The following CERS6 variants were observed in gnomAD, a reference collection of about 807,000 sequenced individuals.
CERS6 encodes the protein ceramide synthase 6.
Under a neutral mutation model 56.8 loss-of-function variants are expected in CERS6, and 26 were observed. The observed-to-expected ratio is 0.46, with a 90% CI of 0.34 to 0.63. The LOEUF is 0.63. Among genes scored for constraint, CERS6 ranks in the 30% least tolerant of loss-of-function variants. The pLI is 0.01. For missense variants in CERS6, 415 were observed against 467.5 expected (o/e 0.89, Z 1.04); for synonymous variants, 164 against 173.3 (o/e 0.95, Z 0.42).
At chr2:168,768,018 A>T (rs1684764969) in intron 9 of CERS6, among the ~76,000 whole-genome samples, 1 of 152,236 alleles carries the variant, frequency 6.6e-6, no homozygotes, top group Non-Finnish European at 1.5e-5. Flanking sequence ...CTTACAGAAT[A>T]GGAGGTTCAA....
intron 4 of CERS6, among the ~76,000 whole-genome samples, chr2:168,686,276 C>T (rs1686349799): frequency 1.3e-5 from 2 of 151,218 alleles, no homozygotes; most frequent in Non-Finnish European, 2.9e-5. Flanking sequence ...CTTCCTCTTC[C>T]TCTCCTTGTA....
In CERS6 at chr2:168,752,279, A is replaced by ATGTGTGTGTGTGTG. The variant is rs397870530; in HGVS notation, c.846-13287_846-13274dup. On this transcript the variant is annotated intron_variant, in intron 8 of 9. Transcript: ENST00000305747. ...CAGACCCCATCTTTTAAAAAAATAAATGTGTGTGTGTGTGTGTGTGTGTGT... is the reference window on the plus strand; with the variant it reads ...CAGACCCCATCTTTTAAAAAAATAAATGTGTGTGTGTGTGTGTGTGTGTGTGTGTGTGTGTGTGT... Among the ~76,000 whole-genome samples, 259 of 132,608 alleles carry ATGTGTGTGTGTGTG rather than the reference A, an allele frequency of 2.0e-3. 2 individuals carry two copies. Among genetic ancestry groups the ATGTGTGTGTGTGTG allele is most frequent in the East Asian group, 3.9e-3 (17 of 4,410 alleles). 87.0% of individuals were successfully genotyped at this position (132,608 alleles called of 152,430 possible). A position where few individuals can be genotyped will look rare whatever the true frequency, so the allele number is the denominator to read the frequency against.
chr2:168,706,023 C>T (rs908426658), intron 6 of CERS6, among the ~76,000 whole-genome samples: 18 of 152,322 alleles, frequency 1.2e-4, no homozygotes, highest in African/African-American at 4.3e-4. Context: ...AGACTTTCAT[C>T]TCCAGGCACT....
Position 168,733,710 on chromosome 2 carries a change from C to A in CERS6, c.845+15732C>A, listed in dbSNP as rs556818474. 1.1e-4 allele frequency among the ~76,000 whole-genome samples: 17 copies of A among 152,242 alleles called. No individual in the cohort carries two copies. The South Asian group carries it at 3.3e-3, about 30-fold the overall frequency. ...TAGGTTTCTAGGGAGTTTTTCCAGT[C>A]ATAACAAAAGCCTCTGACAATTCTG... On this transcript the variant is annotated intron_variant, in intron 8 of 9. Transcript: ENST00000305747.
intron 3 of CERS6, among the ~76,000 whole-genome samples, chr2:168,620,011 C>CCACACACACACA (rs1491366442): frequency 1.1e-3 from 40 of 37,256 alleles, no homozygotes; most frequent in Admixed American, 3.9e-3. Flanking sequence ...GTTCCACAAT[C>CCACACACACACA]CATACACACA....
intron 1 of CERS6, among the ~76,000 whole-genome samples, chr2:168,487,682 G>A (rs769922922): frequency 6.6e-6 from 1 of 151,996 alleles, no homozygotes; most frequent in African/African-American, 2.4e-5. Flanking sequence ...GTTTTCCTTA[G>A]TATTCTCTAA....
In CERS6 at chr2:168,456,718, C is replaced by A. The variant is rs1573994343; in HGVS notation, c.170+100C>A. On this transcript the variant is annotated intron_variant, in intron 1 of 9. Coordinates refer to ENST00000305747, the MANE Select transcript of CERS6 (RefSeq NM_203463.3). This position sits in a 1 kb window ranked among gnomAD's most constrained non-coding sequence, Gnocchi z 4.1. ...CGCACGCCCCCGCGCCCCCAACGCT[C>A]GCGTTCACGCCTCCCAACCTTTGTG... is the stretch of plus-strand genomic sequence containing the variant. 7 of 1,149,158 alleles carry A rather than the reference C, an allele frequency of 6.1e-6. No individual in the cohort carries two copies. In the South Asian group the frequency reaches 1.0e-4, roughly 16 times the overall value. The allele number at this position is 1,149,158 out of a possible 1,614,324, so 71.2% of individuals were successfully genotyped here. A position where few individuals can be genotyped will look rare whatever the true frequency, so the allele number is the denominator to read the frequency against.
At chr2:168,739,787 C>A (rs1172978269) in intron 8 of CERS6, among the ~76,000 whole-genome samples, 3 of 151,640 alleles carry the variant, frequency 2.0e-5, no homozygotes. Context: ...GCTCTGTCAC[C>A]CAGGCTGTAG....
intron 1 of CERS6, among the ~76,000 whole-genome samples, chr2:168,475,123 G>A (rs995010622): frequency 6.6e-6 from 1 of 151,960 alleles, no homozygotes; most frequent in Non-Finnish European, 1.5e-5. Flanking sequence ...TTATCTCATC[G>A]TGCTTGTCTA....
At chr2:168,551,217 C>T (rs1293687022) in intron 2 of CERS6, among the ~76,000 whole-genome samples, 1 of 152,152 alleles carries the variant, frequency 6.6e-6, no homozygotes, top group Non-Finnish European at 1.5e-5. Flanking sequence ...TTATTAATAG[C>T]TGAAAAATTT....
intron 4 of CERS6, among the ~76,000 whole-genome samples, chr2:168,668,192 T>C (rs568410280): frequency 6.6e-6 from 1 of 152,328 alleles, no homozygotes; most frequent in East Asian, 1.9e-4. Context: ...TTGTATCCCA[T>C]AGGTAATCTC....
chr2:168,768,597 G>T (rs553736243), intron 9 of CERS6, among the ~76,000 whole-genome samples: 1 of 151,608 alleles, frequency 6.6e-6, no homozygotes, highest in African/African-American at 2.4e-5. Flanking sequence ...GCTTCACCCC[G>T]CCCAGCAGGT....
chr2:168,547,717 C>T lies in CERS6; in HGVS notation c.276+16C>T, dbSNP rs575606146. 6.6e-7 allele frequency: 1 copy of T among 1,507,554 alleles called. No individual in the cohort carries two copies. The highest frequency in any genetic ancestry group is 1.1e-5 in the South Asian group (1 of 88,768). 93.4% of individuals were successfully genotyped at this position (1,507,554 alleles called of 1,614,324 possible). A position where few individuals can be genotyped will look rare whatever the true frequency, so the allele number is the denominator to read the frequency against. On this transcript the variant is annotated intron_variant, in intron 2 of 9. Coordinates refer to ENST00000305747, the MANE Select transcript of CERS6 (RefSeq NM_203463.3). ...AATTACAAAGGTATGATTGTCCTTT[C>T]CTGGGGTATAGATTGTCCCCGGTCA...
intron 4 of CERS6, among the ~76,000 whole-genome samples, chr2:168,670,106 T>C (rs1225328620): frequency 6.6e-6 from 1 of 152,228 alleles, no homozygotes; most frequent in Non-Finnish European, 1.5e-5. Flanking sequence ...CTACAGTGTT[T>C]TTACTTTTAA....
intron 2 of CERS6, among the ~76,000 whole-genome samples, chr2:168,549,643 A>G (rs1419095676): frequency 1.3e-5 from 2 of 152,190 alleles, no homozygotes; most frequent in Non-Finnish European, 2.9e-5. Flanking sequence ...CAAAACAAAC[A>G]AACAAACAAA....
intron 8 of CERS6, among the ~76,000 whole-genome samples, chr2:168,743,224 GTA>G (rs201390417): frequency 0.097 from 11,558 of 119,048 alleles, 596 homozygotes; most frequent in Non-Finnish European, 0.13. Context: ...ATGTGTGTGT[GTA>G]TATATATATG....
intron 3 of CERS6, among the ~76,000 whole-genome samples, chr2:168,590,997 G>A (rs74963190): frequency 0.023 from 3,540 of 152,264 alleles, 140 homozygotes; most frequent in East Asian, 0.18. Context: ...CCATCTCTTT[G>A]TATATGCTTG....
chr2:168,518,050 T>C (rs1694915121), intron 1 of CERS6, among the ~76,000 whole-genome samples: 1 of 152,352 alleles, frequency 6.6e-6, no homozygotes, highest in African/African-American at 2.4e-5. Flanking sequence ...ATAACCGTTT[T>C]AAAGGACATT....
chr2:168,617,088 A>G (rs1469137754), intron 3 of CERS6, among the ~76,000 whole-genome samples: 1 of 152,188 alleles, frequency 6.6e-6, no homozygotes, highest in African/African-American at 2.4e-5. Flanking sequence ...AACCTTCAAA[A>G]CCATGCAAAT....
Sources: gnomAD v4.1 joint callset for allele counts (sites outside exome capture counted in the v4.1 genomes callset) on GRCh38, gnomAD v4.1.1 for gene constraint, Gnocchi (gnomAD v3.1) non-coding constraint, MANE v1.5 for transcripts, NCBI Gene and HGNC (gene_info 2026-07-23, HGNC 2026-07-21) for gene names.